The following SPAG17 variants were observed in gnomAD, a reference collection of about 807,000 sequenced individuals.
The protein encoded by SPAG17 is sperm associated antigen 17.
In SPAG17, 169 loss-of-function variants were observed where a neutral mutation model predicts 273.6. The observed-to-expected ratio is 0.62, with a 90% CI of 0.55 to 0.70. The LOEUF (loss-of-function observed/expected upper bound fraction) is 0.70, where lower values mean the gene tolerates loss of function less well. Among genes scored for constraint, SPAG17 ranks in the 30% least tolerant of loss-of-function variants. The probability of loss-of-function intolerance (pLI) is 0.00; values close to 1 mark genes in which losing one functional copy is unlikely to be tolerated. For synonymous variants in SPAG17, 825 were observed against 873.2 expected (o/e 0.94, Z 0.97); for missense variants, 2,557 against 2,627.8 (o/e 0.97, Z 0.59).
rs1033096032 is a variant in SPAG17, at chr1:118,065,694, GA to G, written c.2540+1050del. ...GAAATTAGCACTTTCATAGATTAAAGAAAAAAATATAAACACCTAAATTGAT... is the reference window on the plus strand; with the variant it reads ...GAAATTAGCACTTTCATAGATTAAAGAAAAAATATAAACACCTAAATTGAT... On this transcript the variant is annotated intron_variant, in intron 18 of 48. Transcript: ENST00000336338. 7.1e-4 allele frequency among the ~76,000 whole-genome samples: 108 copies of G among 151,674 alleles called. 1 individual carries two copies. The highest frequency in any genetic ancestry group is 1.9e-3 in the South Asian group (9 of 4,812).
intron 24 of SPAG17, among the ~76,000 whole-genome samples, chr1:118,035,193 G>A (rs1385325258): frequency 6.6e-6 from 1 of 151,576 alleles, no homozygotes; most frequent in Non-Finnish European, 1.5e-5. Flanking sequence ...AAACATATAG[G>A]ATGTAAAATG....
intron 41 of SPAG17, among the ~76,000 whole-genome samples, chr1:117,984,378 G>A (rs1211680522): frequency 6.6e-6 from 1 of 152,188 alleles, no homozygotes; most frequent in African/African-American, 2.4e-5. Context: ...TCAATGATAG[G>A]AAAGATTCTG....
chr1:117,989,007 G>C (rs1656757448), intron 38 of SPAG17, among the ~76,000 whole-genome samples: 3 of 151,962 alleles, frequency 2.0e-5, no homozygotes, highest in South Asian at 4.2e-4. Context: ...TTTCACTTTT[G>C]GAAAACCTAT....
intron 1 of SPAG17, among the ~76,000 whole-genome samples, chr1:118,151,712 G>A (rs530231446): frequency 6.6e-6 from 1 of 152,260 alleles, no homozygotes; most frequent in Admixed American, 6.5e-5. Context: ...ACATTAAGAT[G>A]TCTCAAAAAA....
At chr1:118,157,482 G>A (rs17037950) in intron 1 of SPAG17, among the ~76,000 whole-genome samples, 7,932 of 152,208 alleles carry the variant, frequency 0.052, 378 homozygotes, top group East Asian at 0.25. Context: ...AGGAGCAGGG[G>A]CAAACCACTC....
At chr1:118,135,265 G>C (rs1658274193) in intron 3 of SPAG17, among the ~76,000 whole-genome samples, 1 of 152,092 alleles carries the variant, frequency 6.6e-6, no homozygotes, top group Non-Finnish European at 1.5e-5. Flanking sequence ...CACTAGTTCA[G>C]AAAAAAGTGT....
intron 23 of SPAG17, among the ~76,000 whole-genome samples, chr1:118,038,357 T>C (rs1649332374): frequency 6.6e-6 from 1 of 152,142 alleles, no homozygotes; most frequent in Non-Finnish European, 1.5e-5. Context: ...TGGAAGACGA[T>C]TTGGTGGATT....
In SPAG17 at chr1:118,073,853, C is replaced by T. The variant is rs781197827; in HGVS notation, c.2385+1G>A. 6.3e-6 allele frequency: 10 copies of T among 1,577,746 alleles called. No individual in the cohort carries two copies. The East Asian group carries it at 1.4e-4, about 22-fold the overall frequency. On this transcript the variant is annotated splice_donor_variant, in intron 17 of 48. Coordinates refer to ENST00000336338, the MANE Select transcript of SPAG17 (RefSeq NM_206996.4). LOFTEE classifies it high-confidence loss of function. The stretch of plus-strand genomic sequence containing the variant: ...CCTAGAGAATCACAGTCCATAAATA[C>T]CTGAAGCAGTACTTTCGGTTTAAAA...
intron 1 of SPAG17, among the ~76,000 whole-genome samples, chr1:118,177,119 T>A (rs928872635): frequency 1.3e-5 from 2 of 152,166 alleles, no homozygotes; most frequent in Non-Finnish European, 1.5e-5. Context: ...TAAAACAACT[T>A]AATAATTATA....
rs1421984444 is a variant in SPAG17, at chr1:117,994,356, T to G, written c.5178+50A>C. On this transcript the variant is annotated intron_variant, in intron 35 of 48. Transcript: ENST00000336338. ...ACTTAAGACTCTGGTCCATTGCCCT[T>G]GGATGGATGTATACGCTAATAAAAT... 4.5e-6 allele frequency: 7 copies of G among 1,563,518 alleles called. No individual in the cohort carries two copies. The South Asian group carries it at 6.1e-5, about 14-fold the overall frequency.
intron 31 of SPAG17, 117 bp from the exon 32 acceptor site, chr1:118,005,719 C>T: frequency 1.4e-6 from 1 of 716,658 alleles, no homozygotes; most frequent in Non-Finnish European, 2.0e-6. Flanking sequence ...ACTGTGTTTG[C>T]AGGAGGAAAA....
At chr1:117,972,205 G>GTAT (rs1365058251) in intron 44 of SPAG17, among the ~76,000 whole-genome samples, 158 bp from the exon 45 acceptor site, 1 of 152,212 alleles carries the variant, frequency 6.6e-6, no homozygotes, top group Non-Finnish European at 1.5e-5. Context: ...CTGTGAGGAC[G>GTAT]TATTTTAGGC....
intron 21 of SPAG17, 100 bp downstream of exon 21, chr1:118,041,703 T>A: frequency 6.9e-7 from 1 of 1,459,110 alleles, no homozygotes; most frequent in Non-Finnish European, 9.3e-7. Context: ...CTAGGCCTAC[T>A]GTGGGGTAGT....
intron 4 of SPAG17, among the ~76,000 whole-genome samples, chr1:118,103,719 G>A (rs769118100): frequency 2.0e-5 from 3 of 152,060 alleles, no homozygotes; most frequent in South Asian, 2.1e-4. Flanking sequence ...ACCCAGTGTC[G>A]TTATAGAAAC....
intron 31 of SPAG17, among the ~76,000 whole-genome samples, chr1:118,006,787 C>T (rs1338138562): frequency 3.3e-5 from 5 of 152,166 alleles, no homozygotes; most frequent in Non-Finnish European, 7.4e-5. Context: ...GATTATCTGT[C>T]TTTTTGATTA....
At chr1:117,954,824 C>G (rs913814689) in intron 48 of SPAG17, among the ~76,000 whole-genome samples, 1 of 152,020 alleles carries the variant, frequency 6.6e-6, no homozygotes. Context: ...CCCAAGCCAG[C>G]CTTTTTGGTT....
intron 29 of SPAG17, among the ~76,000 whole-genome samples, chr1:118,013,265 T>G (rs968850978): frequency 6.6e-5 from 10 of 151,894 alleles, no homozygotes; most frequent in African/African-American, 2.2e-4. Flanking sequence ...GACGTGAGAG[T>G]GAGTTTGCTA....
chr1:117,998,354 C>G (rs528642167), intron 32 of SPAG17, among the ~76,000 whole-genome samples: 22 of 152,206 alleles, frequency 1.4e-4, no homozygotes, highest in Non-Finnish European at 2.6e-4. Flanking sequence ...TGTTGAAGAT[C>G]AGATGATTGC....
rs1256776523 is a variant in SPAG17 at position 118,028,258 on chromosome 1, C to G, written c.3730+16G>C. ...TTTGCTCCCTGCTTCCCCACCCTACCCCATATAGCACTTACCTGTAGATTC... is the reference window on the plus strand; with the variant it reads ...TTTGCTCCCTGCTTCCCCACCCTACGCCATATAGCACTTACCTGTAGATTC... On this transcript the variant is annotated intron_variant, in intron 26 of 48. Transcript: ENST00000336338. 1.2e-6 allele frequency: 2 copies of G among 1,604,514 alleles called. No individual in the cohort carries two copies. The highest frequency in any genetic ancestry group is 1.7e-6 in the Non-Finnish European group (2 of 1,176,538).
Sources: allele counts gnomAD v4.1 joint callset (sites outside exome capture counted in the v4.1 genomes callset), GRCh38; gene constraint gnomAD v4.1.1; transcripts MANE v1.5; gene names NCBI Gene and HGNC (gene_info 2026-07-23, HGNC 2026-07-21).